Variants in NDUFB6 observed in about 807,000 individuals in gnomAD.
NDUFB6 encodes the protein NADH:ubiquinone oxidoreductase subunit B6.
Under a neutral mutation model 17.5 loss-of-function variants are expected in NDUFB6, and 23 were observed. The observed-to-expected ratio is 1.31, with a 90% confidence interval of 0.94 to 1.86. The LOEUF (loss-of-function observed/expected upper bound fraction) is 1.86. NDUFB6 is among the 40% of genes most tolerant of loss of function. The pLI is 0.00. For missense variants in NDUFB6, 167 were observed against 153.8 expected, an observed-to-expected ratio of 1.09 and a Z score of -0.46; for synonymous variants, 60 against 53.5, an observed-to-expected ratio of 1.12 and a Z score of -0.53.
In NDUFB6 at chr9:32,553,911, GAATT is replaced by G; in HGVS notation, c.348_351del (p.Ile117HisfsTer3). 6.3e-7 allele frequency: 1 copy of G among 1,598,884 alleles called. No homozygotes were observed. Among genetic ancestry groups the G allele is most frequent in the South Asian group, 1.1e-5 (1 of 90,416 alleles). ...TGATCAGGAAATTCTTTCATTGGTGGAATTACTTCTCCAGTCTCCAGAATTGTAT... is the reference window on the plus strand; with the variant it reads ...TGATCAGGAAATTCTTTCATTGGTGGACTTCTCCAGTCTCCAGAATTGTAT... On this transcript the variant is annotated frameshift_variant, in exon 4 of 4. Transcript: ENST00000379847. LOFTEE classifies it high-confidence loss of function.
intron 3 of NDUFB6, among the ~76,000 whole-genome samples, chr9:32,557,603 C>T (rs1821502887): frequency 1.3e-5 from 2 of 151,868 alleles, no homozygotes; most frequent in Non-Finnish European, 2.9e-5. Context: ...CCTCAGCATC[C>T]TCAGTAGCTG....
chr9:32,568,978 T>C, intron 2 of NDUFB6, among the ~76,000 whole-genome samples: 1 of 151,812 alleles, frequency 6.6e-6, no homozygotes, highest in East Asian at 2.0e-4. Flanking sequence ...CTTGAACTCC[T>C]GACCTCGTGA....
rs188186284 is a variant in NDUFB6 at position 32,554,106 on chromosome 9, C to A, written c.319-162G>T. Among the ~76,000 whole-genome samples the A allele has an allele frequency of 2.3e-3, 357 of 152,222 alleles. 1 individual carries two copies. The highest frequency in any genetic ancestry group is 3.2e-3 in the Non-Finnish European group (219 of 68,008). The stretch of plus-strand genomic sequence containing the variant: ...AAAGTAGAAGCTGACTAAATCTGAA[C>A]AATCAGTATTCAAAATTTTAAGGTA... On this transcript the variant is annotated intron_variant, in intron 3 of 3. Transcript: ENST00000379847.
intron 2 of NDUFB6, among the ~76,000 whole-genome samples, chr9:32,570,691 AC>A (rs544152290): frequency 2.0e-4 from 30 of 152,282 alleles, no homozygotes; most frequent in African/African-American, 7.2e-4. Context: ...CTCCAAATTT[AC>A]CCTAGTATTA....
Position 32,565,944 on chromosome 9 carries a change from C to G in NDUFB6, c.273+5016G>C, listed in dbSNP as rs1821772989. On this transcript the variant is annotated intron_variant, in intron 2 of 3. Coordinates refer to ENST00000379847, the MANE Select transcript of NDUFB6 (RefSeq NM_002493.5). ...CCAGGATCACACTACTACACTCCAG[C>G]CTGGGCAACGAAAGTGAAACTCCAC... is the stretch of plus-strand genomic sequence containing the variant. Among the ~76,000 whole-genome samples, 3 of 152,146 alleles carry G rather than the reference C, an allele frequency of 2.0e-5. No individual in the cohort carries two copies. In the South Asian group the frequency reaches 6.2e-4, roughly 32 times the overall value.
At chr9:32,566,719 G>A (rs1374494101) in intron 2 of NDUFB6, 13 of 861,462 alleles carry the variant, frequency 1.5e-5, no homozygotes, top group Admixed American at 3.4e-5. Flanking sequence ...TTCCAAAATC[G>A]GGACTCCAAG....
At chr9:32,566,481 C>T (rs979014417) in intron 2 of NDUFB6, 11 of 794,184 alleles carry the variant, frequency 1.4e-5, no homozygotes, top group African/African-American at 5.1e-5. Flanking sequence ...CGAAGGGACC[C>T]TGGCAGGAGA....
At chr9:32,560,978 T>C (rs989035073) in intron 2 of NDUFB6, among the ~76,000 whole-genome samples, 2 of 152,252 alleles carry the variant, frequency 1.3e-5, no homozygotes, top group Non-Finnish European at 2.9e-5. Context: ...AAACTTTCAC[T>C]GACAGAAAGT....
chr9:32,571,246 C>G (rs531083959), intron 1 of NDUFB6, among the ~76,000 whole-genome samples, 194 bp from the exon 2 acceptor site: 1 of 152,094 alleles, frequency 6.6e-6, no homozygotes, highest in African/African-American at 2.4e-5. Context: ...TAGAAGATAC[C>G]TACAAAGTCC....
At chr9:32,560,359 G>A (rs1821591742) in intron 2 of NDUFB6, among the ~76,000 whole-genome samples, 1 of 152,192 alleles carries the variant, frequency 6.6e-6, no homozygotes, top group Non-Finnish European at 1.5e-5. Flanking sequence ...AGTGACTGCA[G>A]TTTGTTAAAT....
At chr9:32,557,333 T>A (rs1345792996) in intron 3 of NDUFB6, among the ~76,000 whole-genome samples, 4 of 97,474 alleles carry the variant, frequency 4.1e-5, no homozygotes, top group Non-Finnish European at 9.5e-5. Flanking sequence ...CTGGCTAATT[T>A]TTGTATTTTT....
chr9:32,559,588 T>A (rs1821570243), intron 2 of NDUFB6, among the ~76,000 whole-genome samples: 1 of 152,212 alleles, frequency 6.6e-6, no homozygotes, highest in Non-Finnish European at 1.5e-5. Context: ...TCAAGGCCTC[T>A]GTACTTCATG....
At position 32,558,747 on chromosome 9, in the gene NDUFB6, T is replaced by G. The variant is rs559870923; in HGVS notation, c.318+163A>C. ...TGTTACCTCACGGTATTTCTTCCTGTTTTTTTTTGTTTTGTTTTGTTTTTT... is the reference window on the plus strand; with the variant it reads ...TGTTACCTCACGGTATTTCTTCCTGGTTTTTTTTGTTTTGTTTTGTTTTTT... On this transcript the variant is annotated intron_variant, in intron 3 of 3. Transcript: ENST00000379847. 1.8e-4 allele frequency among the ~76,000 whole-genome samples: 24 copies of G among 132,382 alleles called. No individual in the cohort carries two copies. The East Asian group carries it at 3.5e-3, about 19-fold the overall frequency. The allele number at this position is 132,382 out of a possible 152,430, so 86.8% of individuals were successfully genotyped here.
At chr9:32,564,665 T>A (rs761767571) in intron 2 of NDUFB6, among the ~76,000 whole-genome samples, 1 of 152,184 alleles carries the variant, frequency 6.6e-6, no homozygotes, top group Non-Finnish European at 1.5e-5. Context: ...AGATCAGCGT[T>A]TCCTTCCAGA....
intron 2 of NDUFB6, chr9:32,567,509 G>C (rs1476918378): frequency 2.4e-6 from 1 of 424,714 alleles, no homozygotes; most frequent in African/African-American, 2.0e-5. Flanking sequence ...TATTTTAGTA[G>C]AGATGGGGTT....
At position 32,553,010 on chromosome 9, in the gene NDUFB6, C is replaced by G. The variant is rs1563989161; in HGVS notation, c.*866G>C. On this transcript the variant is annotated 3_prime_UTR_variant, in exon 4 of 4. Coordinates refer to ENST00000379847, the MANE Select transcript of NDUFB6 (RefSeq NM_002493.5). ...AATAAAATTCATAATGCAAAGTTCCCAAGTTTATTTTTGCATTATCCTTTA... is the reference window on the plus strand; with the variant it reads ...AATAAAATTCATAATGCAAAGTTCCGAAGTTTATTTTTGCATTATCCTTTA... 3 of 593,338 alleles carry G rather than the reference C, an allele frequency of 5.1e-6. No individual in the cohort carries two copies. The highest frequency in any genetic ancestry group is 5.6e-5 in the East Asian group (2 of 35,724). 36.8% of individuals were successfully genotyped at this position (593,338 alleles called of 1,614,324 possible). A position where few individuals can be genotyped will look rare whatever the true frequency, so the allele number is the denominator to read the frequency against.
chr9:32,562,876 G>A (rs907981245), intron 2 of NDUFB6, among the ~76,000 whole-genome samples: 26 of 152,146 alleles, frequency 1.7e-4, no homozygotes, highest in African/African-American at 6.0e-4. Context: ...TGCCAACACC[G>A]TCACTGTTCT....
intron 2 of NDUFB6, chr9:32,567,960 G>C (rs1272938907): frequency 4.8e-5 from 8 of 167,956 alleles, no homozygotes; most frequent in Non-Finnish European, 1.2e-4. Flanking sequence ...TGAGGCAGGA[G>C]AATTGCTTGA....
intron 2 of NDUFB6, among the ~76,000 whole-genome samples, chr9:32,563,577 G>A (rs1821692725): frequency 6.9e-6 from 1 of 145,786 alleles, no homozygotes; most frequent in Admixed American, 7.2e-5. Flanking sequence ...TCCCACCTCA[G>A]CCTCCCAAAG....
Sources: gnomAD v4.1 joint callset for allele counts (sites outside exome capture counted in the v4.1 genomes callset) on GRCh38, gnomAD v4.1.1 for gene constraint, MANE v1.5 for transcripts, NCBI Gene and HGNC (gene_info 2026-07-23, HGNC 2026-07-21) for gene names.